ADGRV1: variants seen among roughly 807,000 people sequenced by gnomAD.
The protein encoded by ADGRV1 is adhesion G protein-coupled receptor V1.
A neutral mutation model predicts 596.2 loss-of-function variants in ADGRV1; 359 were observed. The observed-to-expected ratio is 0.60, with a 90% CI of 0.55 to 0.66. ADGRV1 has a LOEUF of 0.66. Among genes scored for constraint, ADGRV1 ranks in the 30% least tolerant of loss-of-function variants. The probability of loss-of-function intolerance (pLI) is 0.00; values close to 1 mark genes in which losing one functional copy is unlikely to be tolerated. For synonymous variants in ADGRV1, 2,681 were observed against 2,679.2 expected (o/e 1.00, Z -0.02); for missense variants, 7,274 against 7,575.6 (o/e 0.96, Z 1.48).
intron 61 of ADGRV1, 35 bp downstream of exon 61, chr5:90,776,611 G>T: frequency 6.2e-7 from 1 of 1,606,168 alleles, no homozygotes; most frequent in Non-Finnish European, 8.5e-7. Context: ...GCCTATATGG[G>T]GGTTACGAAG....
intron 1 of ADGRV1, among the ~76,000 whole-genome samples, chr5:90,587,707 G>A (rs756080800): frequency 2.6e-5 from 4 of 151,726 alleles, no homozygotes; most frequent in East Asian, 1.9e-4. Context: ...ACAGGTGCGC[G>A]CCACCATGCC....
intron 22 of ADGRV1, chr5:90,672,939 T>C: frequency 2.2e-6 from 1 of 455,352 alleles, no homozygotes; most frequent in East Asian, 3.3e-5. Context: ...TACAGAACTT[T>C]ATCATGACAT....
chr5:90,707,568 T>C (rs1476133760), intron 38 of ADGRV1, among the ~76,000 whole-genome samples: 1 of 152,182 alleles, frequency 6.6e-6, no homozygotes, highest in Non-Finnish European at 1.5e-5. Flanking sequence ...GCTGTAAAAT[T>C]AAAGGTAATA....
intron 1 of ADGRV1, among the ~76,000 whole-genome samples, chr5:90,585,966 G>A (rs562573186): frequency 1.3e-5 from 2 of 152,278 alleles, no homozygotes; most frequent in South Asian, 2.1e-4. Context: ...GAAAAGTATC[G>A]ACAGGCAAAA....
chr5:90,596,424 G>A (rs1760610165), intron 1 of ADGRV1, among the ~76,000 whole-genome samples: 1 of 151,974 alleles, frequency 6.6e-6, no homozygotes, highest in African/African-American at 2.4e-5. Flanking sequence ...GGCACTTTGG[G>A]AGGCCAAGGC....
At chr5:90,765,827 A>G (rs1757056170) in intron 59 of ADGRV1, among the ~76,000 whole-genome samples, 1 of 151,514 alleles carries the variant, frequency 6.6e-6, no homozygotes, top group South Asian at 2.1e-4. Flanking sequence ...CCTTAGCCTC[A>G]TGAGTAACTG....
intron 87 of ADGRV1, among the ~76,000 whole-genome samples, chr5:91,111,129 C>T (rs1792328243): frequency 6.6e-6 from 1 of 152,150 alleles, no homozygotes; most frequent in South Asian, 2.1e-4. Flanking sequence ...GTTTCTTCCA[C>T]CTGTTTTTTA....
chr5:90,922,178 T>C, intron 83 of ADGRV1, among the ~76,000 whole-genome samples: 1 of 152,236 alleles, frequency 6.6e-6, no homozygotes, highest in Non-Finnish European at 1.5e-5. Context: ...CCACACTGTA[T>C]GGTGTCAACA....
chr5:90,848,610 A>G, intron 78 of ADGRV1, 27 bp from the exon 79 acceptor site: 1 of 1,331,620 alleles, frequency 7.5e-7, no homozygotes, highest in Non-Finnish European at 9.9e-7. Flanking sequence ...TTATAGATAT[A>G]TTTTTATACT....
chr5:90,637,667 A>G (rs1766395726), intron 10 of ADGRV1, 58 bp from the exon 11 acceptor site: 2 of 1,215,974 alleles, frequency 1.6e-6, no homozygotes, highest in African/African-American at 1.5e-5. Flanking sequence ...ACCAAAGCTT[A>G]TATAATTTCT....
At chr5:90,941,004 T>C (rs1447511648) in intron 83 of ADGRV1, among the ~76,000 whole-genome samples, 2 of 151,948 alleles carry the variant, frequency 1.3e-5, no homozygotes, top group East Asian at 1.9e-4. Context: ...TTTGCTTTTT[T>C]CCCCCCTCCC....
chr5:90,707,064 A>G (rs1186699192), intron 38 of ADGRV1, among the ~76,000 whole-genome samples: 1 of 152,052 alleles, frequency 6.6e-6, no homozygotes, highest in Non-Finnish European at 1.5e-5. Context: ...GGACCAGAAA[A>G]TCCGTGTATG....
At chr5:90,590,205 A>G (rs182279506) in intron 1 of ADGRV1, among the ~76,000 whole-genome samples, 1 of 152,210 alleles carries the variant, frequency 6.6e-6, no homozygotes, top group Non-Finnish European at 1.5e-5. Context: ...GTAAGAAGCC[A>G]TGTCCAAACT....
chr5:90,633,934 A>G (rs1368862421), intron 9 of ADGRV1, among the ~76,000 whole-genome samples: 1 of 152,162 alleles, frequency 6.6e-6, no homozygotes, highest in East Asian at 1.9e-4. Context: ...ATCCATCGCA[A>G]AATAGGAGAG....
intron 84 of ADGRV1, among the ~76,000 whole-genome samples, chr5:90,971,212 ATCTACG>A (rs570704389): frequency 6.0e-4 from 91 of 152,340 alleles, no homozygotes; most frequent in African/African-American, 2.0e-3. Flanking sequence ...AAAAGACCAA[ATCTACG>A]TCTGATTGGT....
intron 85 of ADGRV1, among the ~76,000 whole-genome samples, chr5:91,045,177 A>G (rs1199480092): frequency 6.6e-6 from 1 of 152,180 alleles, no homozygotes; most frequent in Non-Finnish European, 1.5e-5. Flanking sequence ...AATCCTCCCT[A>G]AATCATTCTA....
At chr5:90,613,905 A>T (rs12109253) in intron 1 of ADGRV1, among the ~76,000 whole-genome samples, 3,228 of 152,214 alleles carry the variant, frequency 0.021, 102 homozygotes, top group African/African-American at 0.067. Flanking sequence ...ATTTTGGCTC[A>T]TAGAGTATGT....
intron 87 of ADGRV1, among the ~76,000 whole-genome samples, chr5:91,141,536 A>G (rs970362945): frequency 6.6e-6 from 1 of 152,202 alleles, no homozygotes; most frequent in Non-Finnish European, 1.5e-5. Context: ...AACAAAAGCA[A>G]TATTGTAAAT....
intron 1 of ADGRV1, among the ~76,000 whole-genome samples, chr5:90,573,132 T>A (rs183491267): frequency 6.6e-6 from 1 of 152,242 alleles, no homozygotes; most frequent in Admixed American, 6.5e-5. Context: ...AGTTTTTCCC[T>A]TCAGCACTGG....
Sources: gnomAD v4.1 joint callset for allele counts (sites outside exome capture counted in the v4.1 genomes callset) on GRCh38, gnomAD v4.1.1 for gene constraint, MANE v1.5 for transcripts, NCBI Gene and HGNC (gene_info 2026-07-23, HGNC 2026-07-21) for gene names.